The following MTCL3 variants were observed in gnomAD, a reference collection of about 807,000 sequenced individuals.
MTCL3 encodes microtubule cross-linking factor 3.
chr6:127,513,032 A>G, the MTCL3 span: 2 of 1,610,344 alleles, frequency 1.2e-6, no homozygotes, highest in South Asian at 2.2e-5. Flanking sequence ...GAAGTCTCAC[A>G]GATACATCCT....
the MTCL3 span, chr6:127,515,534 C>T: frequency 6.9e-7 from 1 of 1,457,876 alleles, no homozygotes; most frequent in Non-Finnish European, 9.0e-7. This position sits in a 1 kb window ranked among gnomAD's most constrained non-coding sequence, Gnocchi z 4.3. Flanking sequence ...TCGTTTTCCT[C>T]TCGCAGCTTC....
the MTCL3 span, among the ~76,000 whole-genome samples, chr6:127,478,353 G>A: frequency 1.3e-5 from 2 of 152,196 alleles, no homozygotes; most frequent in South Asian, 2.1e-4. Flanking sequence ...TCTGCCTGCT[G>A]AAAGGACAGT....
the MTCL3 span, among the ~76,000 whole-genome samples, chr6:127,509,262 A>G: frequency 1.3e-5 from 2 of 152,312 alleles, no homozygotes; most frequent in South Asian, 4.1e-4. Context: ...GATGCAGCTA[A>G]TTACCTCTAT....
chr6:127,515,444 C>G, the MTCL3 span: 1 of 1,357,466 alleles, frequency 7.4e-7, no homozygotes. This position sits in a 1 kb window ranked among gnomAD's most constrained non-coding sequence, Gnocchi z 4.3. Flanking sequence ...CTGATCCCTG[C>G]CGGTACACGC....
the MTCL3 span, among the ~76,000 whole-genome samples, chr6:127,480,934 A>G: frequency 1.3e-5 from 2 of 152,228 alleles, no homozygotes; most frequent in Non-Finnish European, 2.9e-5. Flanking sequence ...TGTGTTGGAA[A>G]TGATAGCAGA....
chr6:127,475,203 C>T, the MTCL3 span: 1 of 1,397,154 alleles, frequency 7.2e-7, no homozygotes, highest in African/African-American at 1.4e-5. The surrounding 1 kb of genome is among the most constrained non-coding windows in gnomAD (Gnocchi z 7.3). Context: ...AAGCGGGGCG[C>T]GGCAGTCCGG....
At chr6:127,481,637 A>G in the MTCL3 span, among the ~76,000 whole-genome samples, 1 of 140,076 alleles carries the variant, frequency 7.1e-6, no homozygotes, top group Admixed American at 7.9e-5. Context: ...TGTGAAAAAA[A>G]CCTTGTAATC....
the MTCL3 span, among the ~76,000 whole-genome samples, chr6:127,474,849 T>A: frequency 6.6e-6 from 1 of 151,986 alleles, no homozygotes; most frequent in African/African-American, 2.4e-5. Flanking sequence ...AGTCTAGTCA[T>A]TTTTTTTAAA....
At chr6:127,515,376 C>G in the MTCL3 span, 1 of 852,148 alleles carries the variant, frequency 1.2e-6, no homozygotes, top group Non-Finnish European at 1.7e-6. The surrounding 1 kb of genome is among the most constrained non-coding windows in gnomAD (Gnocchi z 4.3). Flanking sequence ...CTAGGAAACC[C>G]CCTCCCTCCT....
the MTCL3 span, among the ~76,000 whole-genome samples, chr6:127,492,444 T>C: frequency 6.6e-6 from 1 of 152,236 alleles, no homozygotes; most frequent in Non-Finnish European, 1.5e-5. Context: ...GAGAAGGTTA[T>C]CAAACACAAG....
the MTCL3 span, among the ~76,000 whole-genome samples, chr6:127,494,443 A>C: frequency 5.3e-5 from 8 of 152,218 alleles, no homozygotes. Context: ...TAGCACTGAC[A>C]AAAAACTGTA....
the MTCL3 span, among the ~76,000 whole-genome samples, chr6:127,509,674 T>A: frequency 6.6e-6 from 1 of 152,204 alleles, no homozygotes; most frequent in African/African-American, 2.4e-5. Flanking sequence ...CTCACCAAAT[T>A]AACCAAGTTG....
the MTCL3 span, chr6:127,473,254 T>C: frequency 2.0e-6 from 3 of 1,488,936 alleles, no homozygotes; most frequent in East Asian, 2.7e-5. Context: ...CTGAAAATAC[T>C]ACAATGAATG....
chr6:127,511,233 G>A, the MTCL3 span, among the ~76,000 whole-genome samples: 1 of 152,166 alleles, frequency 6.6e-6, no homozygotes, highest in African/African-American at 2.4e-5. Flanking sequence ...CTTCTAGACT[G>A]CAGAACTGTG....
At chr6:127,510,867 T>TAACCCC in the MTCL3 span, among the ~76,000 whole-genome samples, 1 of 152,178 alleles carries the variant, frequency 6.6e-6, no homozygotes, top group East Asian at 1.9e-4. Context: ...ATTGAAGTCC[T>TAACCCC]AACCCCCAGC....
chr6:127,478,118 A>C, the MTCL3 span, among the ~76,000 whole-genome samples: 1 of 152,192 alleles, frequency 6.6e-6, no homozygotes, highest in South Asian at 2.1e-4. Context: ...ATGTCATGGA[A>C]AGCTTTGATG....
the MTCL3 span, among the ~76,000 whole-genome samples, chr6:127,479,015 T>TA: frequency 0.041 from 2,139 of 51,890 alleles, 84 homozygotes; most frequent in Admixed American, 0.14. Flanking sequence ...AGACTCCATC[T>TA]AAAAAAAAAA....
chr6:127,517,837 C>T, the MTCL3 span: 1 of 152,166 alleles, frequency 6.6e-6, no homozygotes, highest in African/African-American at 2.4e-5. Flanking sequence ...CAATTAGTTG[C>T]CTTTTCCTTA....
chr6:127,489,155 T>A, the MTCL3 span, among the ~76,000 whole-genome samples: 1 of 152,224 alleles, frequency 6.6e-6, no homozygotes, highest in African/African-American at 2.4e-5. Context: ...TATTATTATA[T>A]CCATTATGAT....
Sources: allele counts gnomAD v4.1 joint callset (sites outside exome capture counted in the v4.1 genomes callset), GRCh38; gene constraint gnomAD v4.1.1; non-coding constraint Gnocchi (gnomAD v3.1); transcripts MANE v1.5; gene names NCBI Gene and HGNC (gene_info 2026-07-23, HGNC 2026-07-21).